RXRG: variants seen among roughly 807,000 people sequenced by gnomAD.
RXRG encodes retinoid X receptor gamma, also known as retinoic acid receptor RXR-gamma.
RXRG carries 19 observed loss-of-function variants against 49.2 expected under a neutral mutation model. That is an observed-to-expected ratio of 0.39 (90% CI 0.27 to 0.57). The LOEUF (loss-of-function observed/expected upper bound fraction) is 0.57, where lower values mean the gene tolerates loss of function less well. Ranked by LOEUF, RXRG falls within the 20% of genes least tolerant of loss-of-function variation. The pLI, the probability that RXRG is intolerant of heterozygous loss-of-function variation, is 0.64. For missense variants in RXRG, 452 were observed against 592.5 expected, an observed-to-expected ratio of 0.76 and a Z score of 2.46; for synonymous variants, 224 against 216.6, an observed-to-expected ratio of 1.03 and a Z score of -0.30.
chr1:165,406,961 G>T, intron 8 of RXRG, 44 bp from the exon 9 acceptor site: 1 of 1,371,094 alleles, frequency 7.3e-7, no homozygotes, highest in Non-Finnish European at 1.0e-6. Context: ...ACACCCTCCA[G>T]CAGAGGCTGT....
chr1:165,434,838 T>C (rs1003356388), intron 1 of RXRG, among the ~76,000 whole-genome samples: 1 of 152,224 alleles, frequency 6.6e-6, no homozygotes, highest in Admixed American at 6.5e-5. Flanking sequence ...TACTCATATA[T>C]CCTTTCCCTG....
chr1:165,437,607 G>A (rs769583343), intron 1 of RXRG, among the ~76,000 whole-genome samples: 1 of 152,108 alleles, frequency 6.6e-6, no homozygotes, highest in Non-Finnish European at 1.5e-5. Flanking sequence ...AATGGACAGA[G>A]GTCATGGATT....
intron 1 of RXRG, among the ~76,000 whole-genome samples, chr1:165,438,815 C>A (rs1278809325): frequency 6.6e-6 from 1 of 152,096 alleles, no homozygotes; most frequent in African/African-American, 2.4e-5. Flanking sequence ...CTAAACTGGT[C>A]ATGGTATAAA....
chr1:165,428,705 G>A lies in RXRG; in HGVS notation c.297+14C>T, dbSNP rs1232748264. 6.4e-7 allele frequency: 1 copy of A among 1,574,018 alleles called. No homozygotes were observed. Among genetic ancestry groups the A allele is most frequent in the South Asian group, 1.2e-5 (1 of 84,806 alleles). ...AAGATGGCTGGAAAGGCCTTGGAGA[G>A]GAAGAACACTTACCTGAGAGCTGGG... On this transcript the variant is annotated intron_variant, in intron 2 of 9. Coordinates refer to ENST00000359842, the MANE Select transcript of RXRG (RefSeq NM_006917.5).
chr1:165,405,988 T>C (rs1456119221), intron 9 of RXRG, among the ~76,000 whole-genome samples: 1 of 152,230 alleles, frequency 6.6e-6, no homozygotes, highest in African/African-American at 2.4e-5. Flanking sequence ...CATGTAAAAT[T>C]AATCCCCCAA....
rs1658427578 is a variant in RXRG at position 165,424,745 on chromosome 1, A to T, written c.297+3974T>A. ...CTCCTCCCTTCACCCCCCAAATTGT[A>T]CTTACGCGAGAACCAGGTCACAGAA... On this transcript the variant is annotated intron_variant, in intron 2 of 9. Coordinates refer to ENST00000359842, the MANE Select transcript of RXRG (RefSeq NM_006917.5). 4 of 984,154 alleles carry T rather than the reference A, an allele frequency of 4.1e-6. No homozygotes were observed. In the African/African-American group the frequency reaches 7.0e-5, roughly 17 times the overall value. 61.0% of individuals were successfully genotyped at this position (984,154 alleles called of 1,614,324 possible).
chr1:165,434,170 A>T lies in RXRG; in HGVS notation c.50-5204T>A, dbSNP rs182859056. ...AGGTCCATTAATTTTTTGTTAATTA[A>T]TGTATACAAGTAGGTATAAAGTTTA... is the stretch of plus-strand genomic sequence containing the variant. On this transcript the variant is annotated intron_variant, in intron 1 of 9. Transcript: ENST00000359842. Among the ~76,000 whole-genome samples, 33 of 152,324 alleles carry T rather than the reference A, an allele frequency of 2.2e-4. No homozygotes were observed. The East Asian group carries it at 6.4e-3, about 29-fold the overall frequency.
rs575591593 is a variant in RXRG at position 165,428,829 on chromosome 1, G to T, written c.187C>A (p.Leu63Ile). 1 of 1,614,138 alleles carries T rather than the reference G, an allele frequency of 6.2e-7. No individual in the cohort carries two copies. The highest frequency in any genetic ancestry group is 1.1e-5 in the South Asian group (1 of 91,086). ...PRTLSAVGTP[L>I]NALGSPYRVI... is the part of the protein sequence containing the mutation. ...CGATATGGAGAGCCCAGGGCATTGA[G>T]GGGGGTCCCCACTGCACTCAGAGTC... is the stretch of plus-strand genomic sequence containing the variant. The change falls in exon 2 of 10, where the codon CTC becomes ATC. Residue 63 changes from leucine (L) to isoleucine (I), a missense_variant. This residue lies in a region of RXRG where 166 missense variants were observed against 151.7 expected (regional missense o/e 1.09). Transcript: ENST00000359842.
intron 6 of RXRG, 66 bp downstream of exon 6, chr1:165,410,636 T>C: frequency 4.4e-6 from 7 of 1,582,472 alleles, no homozygotes; most frequent in Non-Finnish European, 4.3e-6. Context: ...ATCAGGCTAC[T>C]TTTTTTAGGA....
intron 7 of RXRG, 78 bp downstream of exon 7, chr1:165,409,480 T>C (rs1031606042): frequency 9.6e-6 from 12 of 1,255,284 alleles, no homozygotes; most frequent in Non-Finnish European, 1.1e-5. Flanking sequence ...TTCATGTATG[T>C]ACACATGTGT....
chr1:165,440,891 C>T (rs927636810), intron 1 of RXRG, among the ~76,000 whole-genome samples: 2 of 152,204 alleles, frequency 1.3e-5, no homozygotes, highest in African/African-American at 4.8e-5. Context: ...CTCTCTATCT[C>T]TTGGTGAGAT....
intron 6 of RXRG, among the ~76,000 whole-genome samples, chr1:165,410,256 C>T (rs984572454): frequency 3.9e-5 from 6 of 152,096 alleles, no homozygotes; most frequent in Non-Finnish European, 7.4e-5. Context: ...CATATGTCAA[C>T]GGCCTGCAAG....
chr1:165,441,176 C>T (rs1190922461), intron 1 of RXRG, among the ~76,000 whole-genome samples: 1 of 152,244 alleles, frequency 6.6e-6, no homozygotes, highest in Non-Finnish European at 1.5e-5. Context: ...GGACAGGACT[C>T]TTGCAAATAA....
intron 7 of RXRG, among the ~76,000 whole-genome samples, chr1:165,408,728 C>T (rs1009026048): frequency 1.3e-5 from 2 of 152,096 alleles, no homozygotes; most frequent in South Asian, 2.1e-4. Flanking sequence ...TAGAAAGGTC[C>T]GGTTACCACG....
At chr1:165,402,716 G>A (rs901604254) in intron 9 of RXRG, among the ~76,000 whole-genome samples, 3 of 151,306 alleles carry the variant, frequency 2.0e-5, no homozygotes, top group Non-Finnish European at 4.4e-5. Flanking sequence ...ACTCACATGT[G>A]CCTGCACACA....
chr1:165,410,741 C>T lies in RXRG; in HGVS notation c.874G>A (p.Asp292Asn). The T allele has an allele frequency of 1.2e-6, 2 of 1,614,046 alleles. No individual in the cohort carries two copies. The highest frequency in any genetic ancestry group is 1.7e-6 in the Non-Finnish European group (2 of 1,180,016). ...EWAKRIPHFS[D>N]LTLEDQVILL... Reference sequence around the variant, plus strand: ...ATGACCTGGTCCTCCAAGGTGAGGTCAGAGAAGTGGGGAATACGCTTGGCC... The same window carrying T: ...ATGACCTGGTCCTCCAAGGTGAGGTTAGAGAAGTGGGGAATACGCTTGGCC... The change falls in exon 6 of 10, where the codon GAC (aspartate) becomes AAC (asparagine). Residue 292 changes from aspartate (D) to asparagine (N), a missense_variant. Physicochemically the swap from Asp to Asn is conservative, Grantham distance 23 (BLOSUM62 1). Coordinates refer to ENST00000359842, the MANE Select transcript of RXRG (RefSeq NM_006917.5).
In RXRG at chr1:165,436,043, G is replaced by T. The variant is rs546849373; in HGVS notation, c.50-7077C>A. The stretch of plus-strand genomic sequence containing the variant: ...TTTATTATCATTACCATTTCTGATT[G>T]CTCTTCAGTTAGCAGTGATCCCCAA... On this transcript the variant is annotated intron_variant, in intron 1 of 9. Coordinates refer to ENST00000359842, the MANE Select transcript of RXRG (RefSeq NM_006917.5). Among the ~76,000 whole-genome samples the T allele has an allele frequency of 2.1e-3, 317 of 152,250 alleles. 1 individual carries two copies. Among genetic ancestry groups the T allele is most frequent in the African/African-American group, 7.4e-3 (307 of 41,554 alleles).
At chr1:165,436,842 G>T in intron 1 of RXRG, 19 of 895,008 alleles carry the variant, frequency 2.1e-5, no homozygotes, top group Non-Finnish European at 2.5e-5. Context: ...GGACAGAAGT[G>T]GGGGACAGCA....
intron 7 of RXRG, 130 bp downstream of exon 7, chr1:165,409,428 C>T: frequency 8.6e-7 from 1 of 1,156,836 alleles, no homozygotes; most frequent in Non-Finnish European, 1.1e-6. Context: ...GCTGCCCATC[C>T]TCCATCCCAG....
Sources: allele counts gnomAD v4.1 joint callset (sites outside exome capture counted in the v4.1 genomes callset), GRCh38; gene constraint gnomAD v4.1.1; regional missense constraint gnomAD v4.1.1; transcripts MANE v1.5; gene names NCBI Gene and HGNC (gene_info 2026-07-23, HGNC 2026-07-21).